The following MTRF1 variants were observed in gnomAD, a reference collection of about 807,000 sequenced individuals.
MTRF1 encodes the protein mitochondrial translation release factor 1.
MTRF1 carries 51 observed loss-of-function variants against 62.9 expected under a neutral mutation model. That is an observed-to-expected ratio of 0.81 (90% CI 0.65 to 1.02). The LOEUF is 1.02. MTRF1 is among the 50% of genes least tolerant of loss of function. The pLI is 0.00. For synonymous variants in MTRF1, 158 were observed against 181.9 expected (o/e 0.87, Z 1.06); for missense variants, 446 against 530.0 (o/e 0.84, Z 1.56).
chr13:41,220,324 GAAAA>G (rs1249229258), intron 9 of MTRF1, among the ~76,000 whole-genome samples: 1 of 32,660 alleles, frequency 3.1e-5, no homozygotes, highest in Non-Finnish European at 7.1e-5. Flanking sequence ...ATCTGTCTCG[GAAAA>G]AAAAAAAAAA....
the MTRF1 span, among the ~76,000 whole-genome samples, chr13:41,291,350 G>C: frequency 1.4e-4 from 22 of 151,760 alleles, no homozygotes; most frequent in African/African-American, 4.6e-4. Flanking sequence ...GCTAATTTTT[G>C]TATTTTTAGA....
chr13:41,299,162 C>T, the MTRF1 span, among the ~76,000 whole-genome samples: 3 of 150,224 alleles, frequency 2.0e-5, no homozygotes, highest in Non-Finnish European at 4.4e-5. Context: ...CACTGCACTC[C>T]AGCCTGGGTG....
At chr13:41,246,824 A>C (rs9594505) in intron 5 of MTRF1, among the ~76,000 whole-genome samples, 2,484 of 152,336 alleles carry the variant, frequency 0.016, 29 homozygotes, top group Non-Finnish European at 0.028. Context: ...GAATATTATA[A>C]GAGAAGACTG....
intron 2 of MTRF1, among the ~76,000 whole-genome samples, chr13:41,256,575 C>T (rs952767687): frequency 1.3e-5 from 2 of 152,046 alleles, no homozygotes; most frequent in East Asian, 1.9e-4. Context: ...CCACCCGCCC[C>T]GGCCTCCCAA....
At chr13:41,311,160 G>A in the MTRF1 span, 3 of 362,052 alleles carry the variant, frequency 8.3e-6, no homozygotes, top group Non-Finnish European at 1.5e-5. Flanking sequence ...AAATCCACGC[G>A]GTTGGTCCCC....
chr13:41,243,702 C>A (rs2037849512), intron 5 of MTRF1, among the ~76,000 whole-genome samples: 1 of 152,176 alleles, frequency 6.6e-6, no homozygotes, highest in Non-Finnish European at 1.5e-5. Flanking sequence ...AATTTAAATT[C>A]AACTTCAACC....
intron 3 of MTRF1, among the ~76,000 whole-genome samples, chr13:41,253,664 C>T (rs1307430751): frequency 6.6e-6 from 1 of 152,112 alleles, no homozygotes; most frequent in African/African-American, 2.4e-5. Context: ...GTAAAAGTAC[C>T]TATGTGTCAT....
At chr13:41,225,754 A>G (rs2034296769) in intron 8 of MTRF1, among the ~76,000 whole-genome samples, 1 of 149,704 alleles carries the variant, frequency 6.7e-6, no homozygotes, top group Admixed American at 6.7e-5. Flanking sequence ...GGCTGCAGTG[A>G]GCCAAGATTA....
At chr13:41,306,288 A>G in the MTRF1 span, among the ~76,000 whole-genome samples, 4 of 151,962 alleles carry the variant, frequency 2.6e-5, no homozygotes, top group African/African-American at 9.7e-5. Flanking sequence ...GGAGGCTGAG[A>G]CAGGAGAACG....
At chr13:41,279,639 C>CT in the MTRF1 span, among the ~76,000 whole-genome samples, 93 of 152,254 alleles carry the variant, frequency 6.1e-4, no homozygotes, top group Non-Finnish European at 1.0e-3. Context: ...TCATGACTTA[C>CT]TTTTCAACCT....
chr13:41,292,777 A>G, the MTRF1 span, among the ~76,000 whole-genome samples: 1 of 151,866 alleles, frequency 6.6e-6, no homozygotes, highest in South Asian at 2.1e-4. Context: ...AAATAAAAAT[A>G]AAAATAAATT....
chr13:41,281,395 A>C, the MTRF1 span, among the ~76,000 whole-genome samples: 3 of 151,426 alleles, frequency 2.0e-5, no homozygotes, highest in African/African-American at 7.3e-5. Context: ...TTTTTTAAAT[A>C]GCACTTTGAG....
chr13:41,297,185 C>A, the MTRF1 span, among the ~76,000 whole-genome samples: 1 of 152,054 alleles, frequency 6.6e-6, no homozygotes, highest in Non-Finnish European at 1.5e-5. Flanking sequence ...TACATAAATT[C>A]TTGTTTGAAA....
chr13:41,299,006 C>A, the MTRF1 span, among the ~76,000 whole-genome samples: 1 of 152,058 alleles, frequency 6.6e-6, no homozygotes, highest in Non-Finnish European at 1.5e-5. Flanking sequence ...ATGGCAAAAC[C>A]CCGTTTCTAC....
At chr13:41,226,935 CAAG>C (rs1410980099) in intron 7 of MTRF1, among the ~76,000 whole-genome samples, 1 of 152,188 alleles carries the variant, frequency 6.6e-6, no homozygotes, top group Non-Finnish European at 1.5e-5. Flanking sequence ...CTGTCCAACT[CAAG>C]AAGAACTTGC....
At chr13:41,276,005 A>G in the MTRF1 span, among the ~76,000 whole-genome samples, 10 of 152,120 alleles carry the variant, frequency 6.6e-5, no homozygotes, top group Admixed American at 1.3e-4. Context: ...AATCATTTGC[A>G]TTATTATCAG....
the MTRF1 span, among the ~76,000 whole-genome samples, chr13:41,294,650 T>A: frequency 1.3e-5 from 2 of 151,946 alleles, no homozygotes; most frequent in South Asian, 4.2e-4. Context: ...AGAAAAAACT[T>A]TATATGGTAA....
chr13:41,307,016 T>C, the MTRF1 span, among the ~76,000 whole-genome samples: 11 of 152,336 alleles, frequency 7.2e-5, no homozygotes, highest in Admixed American at 6.5e-4. Flanking sequence ...AATAAGATTA[T>C]AGTTACTGGT....
At chr13:41,299,104 G>GGGGT in the MTRF1 span, among the ~76,000 whole-genome samples, 28 of 149,702 alleles carry the variant, frequency 1.9e-4, no homozygotes, top group East Asian at 7.8e-4. Flanking sequence ...CTTCAACCTG[G>GGGGT]GTGTGTGTGT....
Sources: gnomAD v4.1 joint callset for allele counts (sites outside exome capture counted in the v4.1 genomes callset) on GRCh38, gnomAD v4.1.1 for gene constraint, MANE v1.5 for transcripts, NCBI Gene and HGNC (gene_info 2026-07-23, HGNC 2026-07-21) for gene names.